GPC5: variants seen among roughly 807,000 people sequenced by gnomAD.
The protein encoded by GPC5 is glypican-5.
In GPC5, 47 loss-of-function variants were observed where a neutral mutation model predicts 53.9. That is an observed-to-expected ratio of 0.87 (90% CI 0.69 to 1.11). GPC5 has a LOEUF of 1.11. Among genes scored for constraint, GPC5 ranks in the 50% most tolerant of loss-of-function variants. GPC5 has a pLI of 0.00. For missense variants in GPC5, 748 were observed against 713.1 expected (o/e 1.05, Z -0.56); for synonymous variants, 286 against 263.3 (o/e 1.09, Z -0.84).
At chr13:91,814,735 T>G (rs1255330197) in intron 5 of GPC5, among the ~76,000 whole-genome samples, 3 of 151,986 alleles carry the variant, frequency 2.0e-5, no homozygotes, top group Non-Finnish European at 4.4e-5. Context: ...GAGATGGGTT[T>G]TCACCATGTT....
At chr13:91,559,677 A>G (rs894206339) in intron 2 of GPC5, among the ~76,000 whole-genome samples, 1 of 152,020 alleles carries the variant, frequency 6.6e-6, no homozygotes, top group Non-Finnish European at 1.5e-5. Context: ...TACCACTTGA[A>G]CAAAACTGCC....
chr13:92,399,600 G>A (rs1489033993), intron 7 of GPC5, among the ~76,000 whole-genome samples: 8 of 152,228 alleles, frequency 5.3e-5, no homozygotes, highest in Admixed American at 1.3e-4. Context: ...GATAAAGAGT[G>A]TTGCCACATT....
At chr13:92,009,253 C>CGTGTGTGTGTGTGTGT (rs3059952) in intron 6 of GPC5, among the ~76,000 whole-genome samples, 3,469 of 139,750 alleles carry the variant, frequency 0.025, 102 homozygotes, top group South Asian at 0.051. Context: ...GCTGGATTTT[C>CGTGTGTGTGTGTGTGT]GTGTGTGTGT....
chr13:92,112,089 A>G (rs1031241034), intron 6 of GPC5, among the ~76,000 whole-genome samples: 4 of 152,186 alleles, frequency 2.6e-5, no homozygotes, highest in Non-Finnish European at 5.9e-5. Context: ...AGGAAGAAAA[A>G]TAAGTTAGTG....
At chr13:91,603,624 A>C (rs1484118117) in intron 2 of GPC5, among the ~76,000 whole-genome samples, 1 of 152,214 alleles carries the variant, frequency 6.6e-6, no homozygotes, top group Non-Finnish European at 1.5e-5. Context: ...CTAAATCGTA[A>C]ACACAGGCTG....
chr13:92,233,037 A>G (rs2042542881), intron 7 of GPC5, among the ~76,000 whole-genome samples: 1 of 152,172 alleles, frequency 6.6e-6, no homozygotes, highest in South Asian at 2.1e-4. Context: ...GCTGCCATGT[A>G]ATCTTTTGGG....
chr13:91,999,272 A>G (rs2040533079), intron 6 of GPC5, among the ~76,000 whole-genome samples: 1 of 152,164 alleles, frequency 6.6e-6, no homozygotes, highest in Non-Finnish European at 1.5e-5. Flanking sequence ...ATTATCATTT[A>G]ATCCCATATT....
At chr13:92,736,285 G>C (rs1388630056) in intron 7 of GPC5, among the ~76,000 whole-genome samples, 2 of 151,912 alleles carry the variant, frequency 1.3e-5, no homozygotes, top group Non-Finnish European at 2.9e-5. Flanking sequence ...GCTTTGAGTA[G>C]CCACAGTTAC....
At position 91,574,738 on chromosome 13, in the gene GPC5, A is replaced by G. The variant is rs115180969; in HGVS notation, c.326-118449A>G. Among the ~76,000 whole-genome samples the G allele has an allele frequency of 6.1e-3, 936 of 152,214 alleles. 9 individuals are homozygous for G. The highest frequency in any genetic ancestry group is 0.022 in the African/African-American group (903 of 41,562). ...TGAAAGTAAAGGGATTTTTCCCTAA[A>G]ACATGAATTACCTATACATGAAGAT... On this transcript the variant is annotated intron_variant, in intron 2 of 7. Coordinates refer to ENST00000377067, the MANE Select transcript of GPC5 (RefSeq NM_004466.6).
chr13:92,012,885 G>A (rs956030606), intron 6 of GPC5, among the ~76,000 whole-genome samples: 7 of 152,218 alleles, frequency 4.6e-5, no homozygotes, highest in African/African-American at 1.4e-4. Flanking sequence ...GTGGGAGGGA[G>A]CATGCATGTG....
chr13:92,331,916 T>C (rs1008754764), intron 7 of GPC5, among the ~76,000 whole-genome samples: 1 of 151,832 alleles, frequency 6.6e-6, no homozygotes, highest in African/African-American at 2.4e-5. Context: ...ACAAAAAAAA[T>C]AAGAAAAAAT....
chr13:92,742,272 C>T (rs1181686823), intron 7 of GPC5, among the ~76,000 whole-genome samples: 1 of 151,484 alleles, frequency 6.6e-6, no homozygotes, highest in Non-Finnish European at 1.5e-5. Flanking sequence ...TTAATGATTG[C>T]CATTCTAACT....
At chr13:92,629,225 TA>T (rs1040608504) in intron 7 of GPC5, among the ~76,000 whole-genome samples, 7 of 152,308 alleles carry the variant, frequency 4.6e-5, no homozygotes, top group African/African-American at 1.7e-4. Context: ...CCTTTCCAGT[TA>T]AACAAAGGCA....
intron 7 of GPC5, among the ~76,000 whole-genome samples, chr13:92,401,213 A>G (rs1566575151): frequency 6.6e-6 from 1 of 151,768 alleles, no homozygotes; most frequent in Non-Finnish European, 1.5e-5. Context: ...GGAAAAATAA[A>G]TAACATATCT....
At chr13:91,699,217 C>G (rs925380762) in intron 3 of GPC5, among the ~76,000 whole-genome samples, 2 of 152,064 alleles carry the variant, frequency 1.3e-5, no homozygotes, top group Admixed American at 1.3e-4. Flanking sequence ...TAGGGTTGCT[C>G]CAGTTTCCAT....
chr13:91,783,171 T>A (rs1422780296), intron 5 of GPC5, among the ~76,000 whole-genome samples: 3 of 151,964 alleles, frequency 2.0e-5, no homozygotes. Flanking sequence ...GGAGAATTGC[T>A]TGAACCTGGG....
chr13:91,460,927 A>G (rs1232102754), intron 2 of GPC5, among the ~76,000 whole-genome samples: 2 of 152,182 alleles, frequency 1.3e-5, no homozygotes, highest in East Asian at 3.9e-4. Context: ...TTCTCAATGT[A>G]GCTGTTCATG....
intron 6 of GPC5, among the ~76,000 whole-genome samples, chr13:91,982,406 A>G (rs551409272): frequency 6.6e-6 from 1 of 152,296 alleles, no homozygotes; most frequent in African/African-American, 2.4e-5. Flanking sequence ...TGTAACATCT[A>G]TACCACAGAG....
intron 5 of GPC5, among the ~76,000 whole-genome samples, chr13:91,784,167 A>T (rs1197316466): frequency 6.6e-6 from 1 of 152,210 alleles, no homozygotes; most frequent in Non-Finnish European, 1.5e-5. Context: ...CACTAAAAGT[A>T]AGGATATAAA....
Sources: allele counts gnomAD v4.1 joint callset (sites outside exome capture counted in the v4.1 genomes callset), GRCh38; gene constraint gnomAD v4.1.1; transcripts MANE v1.5; gene names NCBI Gene and HGNC (gene_info 2026-07-23, HGNC 2026-07-21).